The following RET variants were observed in gnomAD, a reference collection of about 807,000 sequenced individuals.
The protein encoded by RET is proto-oncogene tyrosine-protein kinase receptor Ret.
Under a neutral mutation model 118.3 loss-of-function variants are expected in RET, and 19 were observed. That is an observed-to-expected ratio of 0.16 (90% CI 0.11 to 0.24). The LOEUF (loss-of-function observed/expected upper bound fraction) is 0.24, where lower values mean the gene tolerates loss of function less well. Ranked by LOEUF, RET falls within the 10% of genes least tolerant of loss-of-function variation. The pLI, the probability that RET is intolerant of heterozygous loss-of-function variation, is 1.00. For missense variants in RET, 1,219 were observed against 1,502.1 expected (o/e 0.81, Z 3.12); for synonymous variants, 597 against 644.1 (o/e 0.93, Z 1.11).
chr10:43,129,817 C>G lies in RET; in HGVS notation c.*1548C>G. 1 of 387,070 alleles carries G rather than the reference C, an allele frequency of 2.6e-6. No individual in the cohort carries two copies. The highest frequency in any genetic ancestry group is 4.5e-6 in the Non-Finnish European group (1 of 219,954). The allele number at this position is 387,070 out of a possible 1,614,324, so 24.0% of individuals were successfully genotyped here. A position where few individuals can be genotyped will look rare whatever the true frequency, so the allele number is the denominator to read the frequency against. On this transcript the variant is annotated 3_prime_UTR_variant, in exon 20 of 20. Transcript: ENST00000355710. ...ACCCAGAGGGAGAGTTTGAAAAATG[C>G]TTATTGGACACGTAACCTGGCTCTA...
rs1263991822 is a variant in RET at position 43,077,318 on chromosome 10, G to C, written c.60G>C (p.Pro20=). 1 of 1,511,414 alleles carries C rather than the reference G, an allele frequency of 6.6e-7. No individual in the cohort carries two copies. The highest frequency in any genetic ancestry group is 1.2e-5 in the South Asian group (1 of 81,408). 93.6% of individuals were successfully genotyped at this position (1,511,414 alleles called of 1,614,324 possible). The change falls in exon 1 of 20, where the codon CCG becomes CCC. Residue 20 remains proline (P), a synonymous_variant. Transcript: ENST00000355710. The part of the protein sequence containing the change: ...GLRLLLLLLL[P]LLGKVALGLY... ...GTCTGCTGTTGCTGCTGCTGCTGCCGCTGCTAGGCAAAGGTGAGTTCTGCC... is the reference window on the plus strand; with the variant it reads ...GTCTGCTGTTGCTGCTGCTGCTGCCCCTGCTAGGCAAAGGTGAGTTCTGCC...
intron 1 of RET, among the ~76,000 whole-genome samples, chr10:43,089,158 C>G (rs1837357855): frequency 6.6e-6 from 1 of 152,252 alleles, no homozygotes; most frequent in Non-Finnish European, 1.5e-5. Context: ...ACAGGTCAGG[C>G]AGCGTCCGCT....
intron 4 of RET, 152 bp downstream of exon 4, chr10:43,105,345 TAGGGGG>T: frequency 8.1e-7 from 1 of 1,239,832 alleles, no homozygotes; most frequent in Non-Finnish European, 1.1e-6. Context: ...CCGTCTGTCC[TAGGGGG>T]AGGGGAAGGG....
Position 43,130,159 on chromosome 10 carries a change from C to T in RET, c.*1890C>T, listed in dbSNP as rs972088872. The T allele has an allele frequency of 1.3e-5, 5 of 396,994 alleles. No individual in the cohort carries two copies. The highest frequency in any genetic ancestry group is 2.2e-5 in the Non-Finnish European group (5 of 225,570). The allele number at this position is 396,994 out of a possible 1,614,324, so 24.6% of individuals were successfully genotyped here. On this transcript the variant is annotated 3_prime_UTR_variant, in exon 20 of 20. Coordinates refer to ENST00000355710, the MANE Select transcript of RET (RefSeq NM_020975.6). The stretch of plus-strand genomic sequence containing the variant: ...AAAGTCCCCATCCTTATTAGCTCTA[C>T]TGGAATTTTCATACACGTAAATGCA...
chr10:43,127,531 T>C (rs1838362199), intron 19 of RET: 1 of 1,008,660 alleles, frequency 9.9e-7, no homozygotes, highest in African/African-American at 1.7e-5. Context: ...TCATCATTGA[T>C]TGTTTGAAAT....
chr10:43,111,980 CG>C, intron 7 of RET, 118 bp from the exon 8 acceptor site: 1 of 1,411,630 alleles, frequency 7.1e-7, no homozygotes. Flanking sequence ...TCTGTCACTC[CG>C]GTCCCCTTGG....
In RET at chr10:43,114,731, A is replaced by G; in HGVS notation, c.2131A>G (p.Ile711Val). The G allele has an allele frequency of 6.2e-7, 1 of 1,608,840 alleles. No individual in the cohort carries two copies. Among genetic ancestry groups the G allele is most frequent in the Non-Finnish European group, 8.5e-7 (1 of 1,179,234 alleles). The change falls in exon 11 of 20, where the codon ATC becomes GTC. Residue 711 changes from isoleucine to valine, a missense_variant. Around this residue, in one of 5 missense-constraint regions of RET, gnomAD observed 850 missense variants for 969.6 expected, o/e 0.88. Coordinates refer to ENST00000355710, the MANE Select transcript of RET (RefSeq NM_020975.6). The surrounding 1 kb of genome is among the most constrained non-coding windows in gnomAD (Gnocchi z 4.6). ...ENQVSVDAFK[I>V]LEDPKWEFPR... ...CCAGGTCTCCGTGGATGCCTTCAAG[A>G]TCCTGGTGAGGGTCCCTGCGGGGCA...
At chr10:43,122,201 CA>C (rs1838234050) in intron 16 of RET, among the ~76,000 whole-genome samples, 185 bp downstream of exon 16, 1 of 152,162 alleles carries the variant, frequency 6.6e-6, no homozygotes, top group African/African-American at 2.4e-5. Flanking sequence ...GTTCGTGAGG[CA>C]AATGGCTGGG....
intron 16 of RET, 90 bp downstream of exon 16, chr10:43,122,106 GC>G: frequency 1.9e-6 from 2 of 1,044,696 alleles, no homozygotes; most frequent in Non-Finnish European, 3.0e-6. Flanking sequence ...GTGCAGCTTG[GC>G]CAGGGAATTG....
At position 43,114,863 on chromosome 10, in the gene RET, GTTCTGCCCCCAT is replaced by G. The variant is rs1336932341; in HGVS notation, c.2136+131_2136+142del. ...CCAACGCTGGGCAGACGAGGCCTGT[GTTCTGCCCCCAT>G]TTCCATAGGGCGCTGTGTGGGGACA... On this transcript the variant is annotated intron_variant, in intron 11 of 19. Transcript: ENST00000355710. This position sits in a 1 kb window ranked among gnomAD's most constrained non-coding sequence, Gnocchi z 4.6. 15 of 1,033,278 alleles carry G rather than the reference GTTCTGCCCCCAT, an allele frequency of 1.5e-5. No homozygotes were observed. In the East Asian group the frequency reaches 3.7e-4, roughly 25 times the overall value. The allele number at this position is 1,033,278 out of a possible 1,614,324, so 64.0% of individuals were successfully genotyped here.
intron 1 of RET, among the ~76,000 whole-genome samples, chr10:43,087,103 AATG>A (rs1267727823): frequency 2.0e-5 from 3 of 152,232 alleles, no homozygotes; most frequent in African/African-American, 7.2e-5. Context: ...GGATGGGGTG[AATG>A]ATATCTCTGT....
intron 15 of RET, among the ~76,000 whole-genome samples, chr10:43,120,845 C>T (rs1838199419): frequency 6.6e-6 from 1 of 152,160 alleles, no homozygotes; most frequent in African/African-American, 2.4e-5. Context: ...CTCCTGCAGC[C>T]TCCCAGTGGC....
intron 1 of RET, among the ~76,000 whole-genome samples, chr10:43,093,960 T>C (rs1299907412): frequency 6.6e-6 from 1 of 151,834 alleles, no homozygotes; most frequent in Non-Finnish European, 1.5e-5. Context: ...TGGCCAAGCA[T>C]CCAGTTCAGC....
chr10:43,126,391 A>T (rs1414371168), intron 18 of RET, among the ~76,000 whole-genome samples, 184 bp from the exon 19 acceptor site: 1 of 152,184 alleles, frequency 6.6e-6, no homozygotes, highest in Non-Finnish European at 1.5e-5. Context: ...TCAGAGCAGG[A>T]CCAGGCCAGC....
chr10:43,109,503 C>G (rs1311795394), intron 6 of RET, among the ~76,000 whole-genome samples: 2 of 152,158 alleles, frequency 1.3e-5, no homozygotes, highest in African/African-American at 2.4e-5. Context: ...AAGAGCAATA[C>G]TGGGTAAATC....
At chr10:43,125,099 T>A in intron 18 of RET, 117 bp downstream of exon 18, 1 of 950,790 alleles carries the variant, frequency 1.1e-6, no homozygotes, top group South Asian at 1.4e-5. Flanking sequence ...AGTGGGATTG[T>A]GCAGAGAGAG....
At chr10:43,123,166 A>G (rs1838256088) in intron 16 of RET, among the ~76,000 whole-genome samples, 1 of 152,182 alleles carries the variant, frequency 6.6e-6, no homozygotes, top group South Asian at 2.1e-4. Flanking sequence ...CCCATTGCAA[A>G]GCGAGTTTTC....
chr10:43,105,013 G>T lies in RET; in HGVS notation c.687G>T (p.Leu229=). The T allele has an allele frequency of 6.3e-7, 1 of 1,597,666 alleles. No homozygotes were observed. The highest frequency in any genetic ancestry group is 2.2e-5 in the East Asian group (1 of 44,540). Residue 229 remains leucine, a synonymous_variant, in exon 4 of 20, where the codon CTG becomes CTT. Transcript: ENST00000355710. ...DSLEVSTRWA[L]DREQREKYEL... is the part of the protein sequence containing the mutation. ...TGGAGGTGAGCACGCGCTGGGCCCT[G>T]GACCGCGAGCAGCGGGAGAAGTACG...
chr10:43,094,718 C>T (rs773765677), intron 1 of RET, among the ~76,000 whole-genome samples: 1 of 152,158 alleles, frequency 6.6e-6, no homozygotes, highest in Non-Finnish European at 1.5e-5. Flanking sequence ...ATGTGTGCAC[C>T]GAGGGTGCAG....
Sources: allele counts gnomAD v4.1 joint callset (sites outside exome capture counted in the v4.1 genomes callset), GRCh38; gene constraint gnomAD v4.1.1; regional missense constraint gnomAD v4.1.1; non-coding constraint Gnocchi (gnomAD v3.1); transcripts MANE v1.5; gene names NCBI Gene and HGNC (gene_info 2026-07-23, HGNC 2026-07-21).